KIF5A: variants seen among roughly 807,000 people sequenced by gnomAD.
The protein encoded by KIF5A is kinesin family member 5A, also known as kinesin heavy chain isoform 5A.
KIF5A carries 35 observed loss-of-function variants against 141.3 expected under a neutral mutation model. The ratio of observed to expected loss-of-function variants is 0.25; its 90% CI spans 0.19 to 0.33. The LOEUF (loss-of-function observed/expected upper bound fraction) is 0.33. Ranked by LOEUF, KIF5A falls within the 10% of genes least tolerant of loss-of-function variation. The pLI, the probability that KIF5A is intolerant of heterozygous loss-of-function variation, is 1.00. For missense variants in KIF5A, 861 were observed against 1,314.3 expected (o/e 0.66, Z 5.33); for synonymous variants, 448 against 500.2 (o/e 0.90, Z 1.39).
chr12:57,564,249 A>G, intron 4 of KIF5A, 37 bp downstream of exon 4: 1 of 1,409,166 alleles, frequency 7.1e-7, no homozygotes, highest in Non-Finnish European at 1.0e-6. Context: ...TCAGATGGGG[A>G]CTGGGAGGGG....
chr12:57,563,364 T>A, intron 1 of KIF5A, 75 bp from the exon 2 acceptor site: 1 of 1,087,242 alleles, frequency 9.2e-7, no homozygotes, highest in Non-Finnish European at 1.4e-6. Flanking sequence ...TCTCAGCTGC[T>A]GGAAGGAGGT....
chr12:57,564,554 G>T (rs528070336), intron 5 of KIF5A, 46 bp downstream of exon 5: 184 of 1,432,324 alleles, frequency 1.3e-4, no homozygotes, highest in Non-Finnish European at 7.8e-5. Flanking sequence ...GGAGGGTGGA[G>T]AAAAGAAAGC....
In KIF5A at chr12:57,566,094, T is replaced by G. The variant is rs540733856; in HGVS notation, c.502-1032T>G. ...AGCCTGTGTAGTAGAGAGACAGTGG[T>G]TTTTTTTGTTTGTTTGTTTTTGTTT... On this transcript the variant is annotated intron_variant, in intron 6 of 28. Coordinates refer to ENST00000455537, the MANE Select transcript of KIF5A (RefSeq NM_004984.4). Among the ~76,000 whole-genome samples the G allele has an allele frequency of 8.6e-5, 13 of 150,830 alleles. 1 individual carries two copies. In the South Asian group the frequency reaches 2.3e-3, roughly 27 times the overall value.
At chr12:57,583,802 C>T (rs1320810249) in intron 28 of KIF5A, among the ~76,000 whole-genome samples, 3 of 152,178 alleles carry the variant, frequency 2.0e-5, no homozygotes, top group Non-Finnish European at 1.5e-5. Flanking sequence ...TCTTTTTCCT[C>T]CTCTGTCCCC....
In KIF5A at chr12:57,570,033, C is replaced by T; in HGVS notation, c.1164C>T (p.Ala388=). 3 of 1,613,832 alleles carry T rather than the reference C, an allele frequency of 1.9e-6. No individual in the cohort carries two copies. Among genetic ancestry groups the T allele is most frequent in the Non-Finnish European group, 1.7e-6 (2 of 1,179,718 alleles). ...AGCGCCTGGCTGGGGAGGAGGCAGC[C>T]CTGGGAGCCGAGCTCTGTGAGGAGA... ...ETERLAGEEA[A]LGAELCEETP... Residue 388 remains alanine, a synonymous_variant, in exon 12 of 29, where the codon GCC becomes GCT. Transcript: ENST00000455537.
At chr12:57,564,808 A>G in intron 5 of KIF5A, 110 bp from the exon 6 acceptor site, 3 of 1,043,256 alleles carry the variant, frequency 2.9e-6, no homozygotes, top group Non-Finnish European at 4.4e-6. Flanking sequence ...CTTCACAGGG[A>G]GAGTCTTCCT....
intron 28 of KIF5A, among the ~76,000 whole-genome samples, 160 bp from the exon 29 acceptor site, chr12:57,584,057 AG>A (rs1158665989): frequency 1.3e-5 from 2 of 148,794 alleles, no homozygotes; most frequent in East Asian, 3.9e-4. Flanking sequence ...CTAGGGGTGG[AG>A]GTGCAAGCCT....
chr12:57,552,458 G>A (rs1314291916), intron 1 of KIF5A, among the ~76,000 whole-genome samples: 5 of 152,190 alleles, frequency 3.3e-5, no homozygotes, highest in Admixed American at 1.3e-4. Context: ...CTGTAGGGCT[G>A]TACCTTTGTC....
chr12:57,560,473 G>A (rs1220967200), intron 1 of KIF5A, among the ~76,000 whole-genome samples: 2 of 152,104 alleles, frequency 1.3e-5, no homozygotes, highest in Non-Finnish European at 2.9e-5. Flanking sequence ...TCTCCAACCA[G>A]AAAATAATGA....
intron 6 of KIF5A, among the ~76,000 whole-genome samples, chr12:57,566,462 A>C (rs1329809745): frequency 6.7e-6 from 1 of 148,206 alleles, no homozygotes; most frequent in East Asian, 2.1e-4. Flanking sequence ...AGGCTGGGGT[A>C]CAGTGGCGCC....
intron 1 of KIF5A, among the ~76,000 whole-genome samples, chr12:57,559,396 C>T (rs908813164): frequency 4.1e-4 from 62 of 152,074 alleles, no homozygotes; most frequent in African/African-American, 1.4e-3. Flanking sequence ...ATTTTGGCCA[C>T]TTTCATAGGT....
intron 28 of KIF5A, among the ~76,000 whole-genome samples, 169 bp downstream of exon 28, chr12:57,583,384 GC>G (rs1882666463): frequency 6.6e-6 from 1 of 151,958 alleles, no homozygotes; most frequent in South Asian, 2.1e-4. Flanking sequence ...CACCTGTGCT[GC>G]CCCATGTAAT....
At chr12:57,582,019 A>G in intron 26 of KIF5A, 67 bp downstream of exon 26, 4 of 1,264,048 alleles carry the variant, frequency 3.2e-6, no homozygotes, top group Non-Finnish European at 4.6e-6. Flanking sequence ...CATAAAAGTA[A>G]GTGACCTTAG....
chr12:57,555,608 T>A (rs993736224), intron 1 of KIF5A, among the ~76,000 whole-genome samples: 10 of 147,114 alleles, frequency 6.8e-5, no homozygotes, highest in Non-Finnish European at 1.2e-4. Context: ...AATAAATAAA[T>A]AAAAATTAAA....
Position 57,581,298 on chromosome 12 carries a change from A to G in KIF5A, c.2756-117A>G, listed in dbSNP as rs183618812. On this transcript the variant is annotated intron_variant, in intron 24 of 28. Coordinates refer to ENST00000455537, the MANE Select transcript of KIF5A (RefSeq NM_004984.4). ...AGCCTCATCCCACTTCCCCCCAAAA[A>G]GTAAAAAAGTGATTATGTTACAAGC... is the stretch of plus-strand genomic sequence containing the variant. The G allele has an allele frequency of 2.0e-5, 30 of 1,536,118 alleles. No homozygotes were observed. In the African/African-American group the frequency reaches 3.6e-4, roughly 18 times the overall value.
Position 57,586,075 on chromosome 12 carries a change from T to A in KIF5A, c.*1894T>A, listed in dbSNP as rs1226804650. 6.6e-6 allele frequency: 1 copy of A among 152,110 alleles called. No individual in the cohort carries two copies. The highest frequency in any genetic ancestry group is 1.9e-4 in the East Asian group (1 of 5,186). 9.4% of individuals were successfully genotyped at this position (152,110 alleles called of 1,614,324 possible). On this transcript the variant is annotated 3_prime_UTR_variant, in exon 29 of 29. Coordinates refer to ENST00000455537, the MANE Select transcript of KIF5A (RefSeq NM_004984.4). ...TTGTTCTGAGGAAGGGGGTCCAATC[T>A]GGCTCCTCTGCACTAAAGCTGCAAC...
chr12:57,580,173 G>T (rs41401546), intron 23 of KIF5A, among the ~76,000 whole-genome samples: 1 of 152,066 alleles, frequency 6.6e-6, no homozygotes, highest in Non-Finnish European at 1.5e-5. Context: ...TGATTTACCC[G>T]CTGTCTTCCA....
At chr12:57,571,195 GT>G in intron 12 of KIF5A, 125 bp from the exon 13 acceptor site, 2 of 716,280 alleles carry the variant, frequency 2.8e-6, no homozygotes, top group Non-Finnish European at 2.6e-6. Context: ...AGGATATGGG[GT>G]TTCTAACTCA....
In KIF5A at chr12:57,567,887, C is replaced by CT. The variant is rs538379606; in HGVS notation, c.714+282dup. ...GTGTTGGCCAGGCTGGTCCTTGGCT[C>CT]TTTTTTTTTTTTTGAGACGGATTCT... is the stretch of plus-strand genomic sequence containing the variant. On this transcript the variant is annotated intron_variant, in intron 8 of 28. Transcript: ENST00000455537. Among the ~76,000 whole-genome samples, 1,851 of 141,000 alleles carry CT rather than the reference C, an allele frequency of 0.013. 33 individuals are homozygous for CT. The highest frequency in any genetic ancestry group is 0.072 in the East Asian group (351 of 4,894). The allele number at this position is 141,000 out of a possible 152,430, so 92.5% of individuals were successfully genotyped here. A position where few individuals can be genotyped will look rare whatever the true frequency, so the allele number is the denominator to read the frequency against.
Sources: gnomAD v4.1 joint callset for allele counts (sites outside exome capture counted in the v4.1 genomes callset) on GRCh38, gnomAD v4.1.1 for gene constraint, MANE v1.5 for transcripts, NCBI Gene and HGNC (gene_info 2026-07-23, HGNC 2026-07-21) for gene names.